The following SLC30A8 variants were observed in gnomAD, a reference collection of about 807,000 sequenced individuals.
SLC30A8 encodes solute carrier family 30 member 8, also known as proton-coupled zinc antiporter SLC30A8.
SLC30A8 carries 27 observed loss-of-function variants against 36.9 expected under a neutral mutation model. The ratio of observed to expected loss-of-function variants is 0.73; its 90% CI spans 0.54 to 1.01. SLC30A8 has a LOEUF of 1.01. SLC30A8 is among the 50% of genes least tolerant of loss of function. The pLI is 0.00. For synonymous variants in SLC30A8, 164 were observed against 172.4 expected (o/e 0.95, Z 0.38); for missense variants, 439 against 452.0 (o/e 0.97, Z 0.26).
At chr8:117,057,138 G>A (rs555612748) in intron 2 of SLC30A8, among the ~76,000 whole-genome samples, 4 of 152,224 alleles carry the variant, frequency 2.6e-5, no homozygotes, top group East Asian at 1.9e-4. Context: ...ATTTGATGTC[G>A]AGTGAGGGTC....
Position 117,074,864 on chromosome 8 carries a change from T to C in SLC30A8, c.-226+35606T>C, listed in dbSNP as rs558631124. Among the ~76,000 whole-genome samples, 19 of 152,348 alleles carry C rather than the reference T, an allele frequency of 1.2e-4. No individual in the cohort carries two copies. The South Asian group carries it at 3.9e-3, about 32-fold the overall frequency. On this transcript the variant is annotated intron_variant, in intron 2 of 10. Transcript: ENST00000427715. Reference sequence around the variant, plus strand: ...CTCTATAAAATTGCTTGATTCTGTTTTTTTCTCTCCATTATCACCTATGTT... The same window carrying C: ...CTCTATAAAATTGCTTGATTCTGTTCTTTTCTCTCCATTATCACCTATGTT...
chr8:117,065,696 C>T (rs955889724), intron 2 of SLC30A8, among the ~76,000 whole-genome samples: 19 of 152,124 alleles, frequency 1.2e-4, no homozygotes, highest in African/African-American at 4.1e-4. Flanking sequence ...ATAACTTGAA[C>T]TGGACAAATG....
At chr8:117,041,941 A>G (rs888595724) in intron 2 of SLC30A8, among the ~76,000 whole-genome samples, 59 of 152,210 alleles carry the variant, frequency 3.9e-4, no homozygotes, top group Non-Finnish European at 7.9e-4. Context: ...AGATTTCCCA[A>G]TGAATAGTTC....
At chr8:117,058,704 A>G (rs1817943140) in intron 2 of SLC30A8, among the ~76,000 whole-genome samples, 1 of 152,238 alleles carries the variant, frequency 6.6e-6, no homozygotes, top group Non-Finnish European at 1.5e-5. Context: ...AATGCTTTTT[A>G]AAATGGCTTA....
intron 1 of SLC30A8, among the ~76,000 whole-genome samples, chr8:116,978,823 T>C (rs1815147530): frequency 6.6e-6 from 1 of 152,184 alleles, no homozygotes; most frequent in Non-Finnish European, 1.5e-5. Context: ...ATGCTTCATA[T>C]ATATATGCAT....
chr8:117,023,617 A>G (rs1437585755), intron 1 of SLC30A8, among the ~76,000 whole-genome samples: 5 of 151,926 alleles, frequency 3.3e-5, no homozygotes, highest in African/African-American at 1.2e-4. Flanking sequence ...AAACTATCAC[A>G]AGGACAAAAA....
intron 4 of SLC30A8, among the ~76,000 whole-genome samples, chr8:117,160,438 C>T (rs371738781): frequency 0.13 from 16,873 of 129,184 alleles, 2,105 homozygotes; most frequent in African/African-American, 0.33. Context: ...TGTGTGTGCG[C>T]GCACATGTGC....
chr8:117,092,587 T>C (rs1253400953), intron 2 of SLC30A8, among the ~76,000 whole-genome samples: 2 of 152,180 alleles, frequency 1.3e-5, no homozygotes, highest in Non-Finnish European at 2.9e-5. Context: ...GAGTGCCCAC[T>C]AGTACCTAGA....
At chr8:116,977,142 T>C (rs1314651139) in intron 1 of SLC30A8, among the ~76,000 whole-genome samples, 2 of 9,482 alleles carry the variant, frequency 2.1e-4, no homozygotes, top group Non-Finnish European at 4.3e-4. Flanking sequence ...TTTTTCTTGC[T>C]TTTTTTTTTT....
chr8:117,039,444 C>T (rs1024548081), intron 2 of SLC30A8, among the ~76,000 whole-genome samples: 2 of 152,174 alleles, frequency 1.3e-5, no homozygotes, highest in African/African-American at 2.4e-5. Context: ...AATATTTCTA[C>T]TCAGCTCTGG....
chr8:117,037,882 A>G (rs573698399), intron 1 of SLC30A8, among the ~76,000 whole-genome samples: 5 of 152,334 alleles, frequency 3.3e-5, no homozygotes, highest in African/African-American at 1.2e-4. Flanking sequence ...AGAGAAAGTT[A>G]GAAAAGAAAA....
intron 1 of SLC30A8, among the ~76,000 whole-genome samples, chr8:116,955,801 A>G (rs1407211826): frequency 6.6e-6 from 1 of 152,124 alleles, no homozygotes; most frequent in African/African-American, 2.4e-5. Flanking sequence ...AAACTAGAGG[A>G]GAATTGTGGG....
chr8:117,147,846 T>C (rs1381420654), intron 2 of SLC30A8, among the ~76,000 whole-genome samples: 3 of 152,182 alleles, frequency 2.0e-5, no homozygotes, highest in Non-Finnish European at 2.9e-5. Context: ...TTTATTTTAA[T>C]ATTTATTTCT....
chr8:117,028,688 T>C (rs1816945003), intron 1 of SLC30A8, among the ~76,000 whole-genome samples: 1 of 151,986 alleles, frequency 6.6e-6, no homozygotes, highest in Non-Finnish European at 1.5e-5. Context: ...CCTTAGCTGA[T>C]ATAAGCAGGT....
chr8:117,031,809 C>A lies in SLC30A8; in HGVS notation c.-265-7410C>A, dbSNP rs149512948. On this transcript the variant is annotated intron_variant, in intron 1 of 10. Transcript: ENST00000427715. Reference sequence around the variant, plus strand: ...CCCAGAAGTAAGTCACACATTCCTGCACGTGCTTGATGCCAATGCTAAGCT... The same window carrying A: ...CCCAGAAGTAAGTCACACATTCCTGAACGTGCTTGATGCCAATGCTAAGCT... Among the ~76,000 whole-genome samples the A allele has an allele frequency of 3.2e-3, 491 of 152,188 alleles. 6 individuals are homozygous for A. Among genetic ancestry groups the A allele is most frequent in the South Asian group, 1.0e-2 (48 of 4,824 alleles).
At chr8:117,149,554 T>G (rs540923015) in intron 2 of SLC30A8, among the ~76,000 whole-genome samples, 1 of 152,284 alleles carries the variant, frequency 6.6e-6, no homozygotes, top group South Asian at 2.1e-4. Context: ...AGAAAGATGA[T>G]AAACACAAGT....
rs565384188 is a variant in SLC30A8, at chr8:116,984,516, A to G, written c.-266+33397A>G. ...ATTTTAGCTATTCTGATAGTTGTGTAATGATGTCTCATTGGGGTTTTAATT... is the reference window on the plus strand; with the variant it reads ...ATTTTAGCTATTCTGATAGTTGTGTGATGATGTCTCATTGGGGTTTTAATT... On this transcript the variant is annotated intron_variant, in intron 1 of 10. Transcript: ENST00000427715. Among the ~76,000 whole-genome samples the G allele has an allele frequency of 1.4e-3, 218 of 152,250 alleles. 3 individuals carry two copies. Among genetic ancestry groups the G allele is most frequent in the Non-Finnish European group, 9.0e-4 (61 of 67,980 alleles).
intron 1 of SLC30A8, among the ~76,000 whole-genome samples, chr8:116,984,419 C>T (rs1815374305): frequency 6.6e-6 from 1 of 152,110 alleles, no homozygotes; most frequent in Non-Finnish European, 1.5e-5. Context: ...CATTTCCATT[C>T]CTACCAGCAA....
chr8:116,974,220 A>G (rs1814897503), intron 1 of SLC30A8, among the ~76,000 whole-genome samples: 1 of 152,244 alleles, frequency 6.6e-6, no homozygotes, highest in African/African-American at 2.4e-5. Flanking sequence ...GCTTCTGTAC[A>G]GCAAAAGAAA....
Sources: gnomAD v4.1 joint callset for allele counts (sites outside exome capture counted in the v4.1 genomes callset) on GRCh38, gnomAD v4.1.1 for gene constraint, MANE v1.5 for transcripts, NCBI Gene and HGNC (gene_info 2026-07-23, HGNC 2026-07-21) for gene names.